Variants in RYK observed in about 807,000 individuals in gnomAD.
The protein encoded by RYK is receptor like tyrosine kinase, also known as inactive tyrosine-protein kinase RYK.
Under a neutral mutation model 70.2 loss-of-function variants are expected in RYK, and 21 were observed. The ratio of observed to expected loss-of-function variants is 0.30; its 90% confidence interval spans 0.21 to 0.43. The LOEUF (loss-of-function observed/expected upper bound fraction) is 0.43. Ranked by LOEUF, RYK falls within the 20% of genes least tolerant of loss-of-function variation. The probability of loss-of-function intolerance (pLI) is 1.00; values close to 1 mark genes in which losing one functional copy is unlikely to be tolerated. For missense variants in RYK, 604 were observed against 753.3 expected (o/e 0.80, Z 2.32); for synonymous variants, 267 against 278.0 (o/e 0.96, Z 0.39).
intron 13 of RYK, among the ~76,000 whole-genome samples, chr3:134,173,980 T>C (rs932789402): frequency 6.6e-6 from 1 of 152,190 alleles, no homozygotes; most frequent in Non-Finnish European, 1.5e-5. Context: ...TTACCTTACA[T>C]GACAAAACGT....
intron 13 of RYK, among the ~76,000 whole-genome samples, chr3:134,166,239 C>G (rs926461809): frequency 9.2e-5 from 14 of 152,060 alleles, no homozygotes; most frequent in Non-Finnish European, 1.8e-4. Context: ...TAAAAGAGAC[C>G]ACCAGAGAGC....
At chr3:134,185,641 A>G (rs2013437565) in intron 9 of RYK, among the ~76,000 whole-genome samples, 1 of 152,174 alleles carries the variant, frequency 6.6e-6, no homozygotes, top group Non-Finnish European at 1.5e-5. Context: ...TACTCTTTCT[A>G]TAACCTAAAT....
intron 2 of RYK, among the ~76,000 whole-genome samples, chr3:134,216,871 G>A (rs576468565): frequency 1.9e-4 from 28 of 148,982 alleles, no homozygotes; most frequent in Non-Finnish European, 3.0e-4. Context: ...GGATATTGGG[G>A]AATGTTCTGG....
intron 1 of RYK, among the ~76,000 whole-genome samples, chr3:134,243,193 C>G (rs1456082773): frequency 1.3e-5 from 2 of 152,162 alleles, no homozygotes; most frequent in Admixed American, 6.5e-5. Context: ...AGGAAAGGGT[C>G]CTTTGGTTCA....
chr3:134,231,725 T>G (rs958683385), intron 1 of RYK, among the ~76,000 whole-genome samples: 2 of 152,164 alleles, frequency 1.3e-5, no homozygotes, highest in Non-Finnish European at 2.9e-5. Flanking sequence ...TTACCCTCAG[T>G]GGACACTGCC....
intron 7 of RYK, among the ~76,000 whole-genome samples, chr3:134,194,808 A>C (rs535569615): frequency 1.3e-5 from 2 of 152,352 alleles, no homozygotes; most frequent in South Asian, 4.1e-4. Flanking sequence ...TTTCTATAGA[A>C]GTGACTTAGT....
At chr3:134,234,835 C>T (rs181195856) in intron 1 of RYK, among the ~76,000 whole-genome samples, 15 of 152,022 alleles carry the variant, frequency 9.9e-5, no homozygotes, top group Admixed American at 5.2e-4. Context: ...CTGTATCAAA[C>T]TATAAAGAAT....
chr3:134,207,833 A>G lies in RYK; in HGVS notation c.590-308T>C, dbSNP rs1483484542. 2.0e-5 allele frequency among the ~76,000 whole-genome samples: 3 copies of G among 152,346 alleles called. No individual in the cohort carries two copies. The East Asian group carries it at 5.8e-4, about 29-fold the overall frequency. ...GTGAACATTAGAATATAAAGACTGAAAGGAGTTATGGGGTCACAAAACTTG... is the reference window on the plus strand; with the variant it reads ...GTGAACATTAGAATATAAAGACTGAGAGGAGTTATGGGGTCACAAAACTTG... On this transcript the variant is annotated intron_variant, in intron 4 of 14. Coordinates refer to ENST00000623711, the MANE Select transcript of RYK (RefSeq NM_002958.4).
chr3:134,222,220 C>A (rs1660761522), intron 2 of RYK, among the ~76,000 whole-genome samples, 198 bp downstream of exon 2: 1 of 152,168 alleles, frequency 6.6e-6, no homozygotes, highest in African/African-American at 2.4e-5. Context: ...ATGATAGCCA[C>A]CTTCGTTTTA....
chr3:134,158,959 G>A (rs1166925739), intron 14 of RYK, among the ~76,000 whole-genome samples: 2 of 152,108 alleles, frequency 1.3e-5, no homozygotes, highest in African/African-American at 2.4e-5. Context: ...AATAACTGAC[G>A]TAGCATTCAA....
intron 1 of RYK, among the ~76,000 whole-genome samples, chr3:134,235,491 T>C (rs1023617877): frequency 2.0e-5 from 3 of 151,978 alleles, no homozygotes; most frequent in African/African-American, 7.3e-5. Context: ...TTTAAACAAA[T>C]TTACTTTTAG....
chr3:134,196,499 T>A (rs1430216060), intron 6 of RYK, among the ~76,000 whole-genome samples: 3 of 151,978 alleles, frequency 2.0e-5, no homozygotes, highest in Non-Finnish European at 4.4e-5. Flanking sequence ...TGCAGCTATT[T>A]GGAAGGCTGT....
At chr3:134,234,126 T>C (rs1338938154) in intron 1 of RYK, among the ~76,000 whole-genome samples, 1 of 152,056 alleles carries the variant, frequency 6.6e-6, no homozygotes, top group Non-Finnish European at 1.5e-5. Flanking sequence ...GGAAAAACAA[T>C]AAAAGTGTTC....
chr3:134,246,084 A>G (rs1400133902), intron 1 of RYK, among the ~76,000 whole-genome samples: 1 of 152,152 alleles, frequency 6.6e-6, no homozygotes, highest in East Asian at 1.9e-4. Context: ...CACATCAGAG[A>G]TAAGTAAAGA....
At chr3:134,174,589 A>G (rs1438989755) in intron 13 of RYK, among the ~76,000 whole-genome samples, 2 of 152,232 alleles carry the variant, frequency 1.3e-5, no homozygotes, top group African/African-American at 4.8e-5. Context: ...CATATGTGGG[A>G]CCCTATAAGC....
At chr3:134,182,146 C>T (rs569604277) in intron 10 of RYK, among the ~76,000 whole-genome samples, 2 of 147,662 alleles carry the variant, frequency 1.4e-5, no homozygotes, top group East Asian at 2.1e-4. Context: ...CAGAGCGAGA[C>T]TCTGTCTCCA....
At chr3:134,165,063 G>T (rs749410356) in intron 13 of RYK, among the ~76,000 whole-genome samples, 1 of 152,160 alleles carries the variant, frequency 6.6e-6, no homozygotes, top group East Asian at 1.9e-4. Flanking sequence ...CTCCTATTGT[G>T]TATGTATTAT....
Position 134,178,145 on chromosome 3 carries a change from T to G in RYK, c.1173-72A>C, listed in dbSNP as rs1160036748. ...GTTAGGGGCTTACTTCTAATAAAAA[T>G]AATCTAAAACAAAACAAAATCCCCA... On this transcript the variant is annotated intron_variant, in intron 10 of 14. Coordinates refer to ENST00000623711, the MANE Select transcript of RYK (RefSeq NM_002958.4). 10 of 1,119,974 alleles carry G rather than the reference T, an allele frequency of 8.9e-6. No homozygotes were observed. In the East Asian group the frequency reaches 2.5e-4, roughly 28 times the overall value. The allele number at this position is 1,119,974 out of a possible 1,614,324, so 69.4% of individuals were successfully genotyped here.
chr3:134,166,477 T>C (rs1229021430), intron 13 of RYK, among the ~76,000 whole-genome samples: 4 of 152,212 alleles, frequency 2.6e-5, no homozygotes, highest in Non-Finnish European at 4.4e-5. Context: ...ACATCAGCAA[T>C]CTTTAAGCAG....
Sources: allele counts gnomAD v4.1 joint callset (sites outside exome capture counted in the v4.1 genomes callset), GRCh38; gene constraint gnomAD v4.1.1; transcripts MANE v1.5; gene names NCBI Gene and HGNC (gene_info 2026-07-23, HGNC 2026-07-21).